NRG2: variants seen among roughly 807,000 people sequenced by gnomAD.
The protein encoded by NRG2 is pro-neuregulin-2, membrane-bound isoform.
NRG2 carries 27 observed loss-of-function variants against 73.9 expected under a neutral mutation model. That is an observed-to-expected ratio of 0.37 (90% CI 0.27 to 0.50). The LOEUF (loss-of-function observed/expected upper bound fraction) is 0.50. Ranked by LOEUF, NRG2 falls within the 20% of genes least tolerant of loss-of-function variation. The pLI is 0.96. For synonymous variants in NRG2, 532 were observed against 541.0 expected (o/e 0.98, Z 0.23); for missense variants, 1,126 against 1,210.1 (o/e 0.93, Z 1.03).
intron 1 of NRG2, among the ~76,000 whole-genome samples, chr5:139,889,157 G>C (rs1484069553): frequency 2.0e-5 from 3 of 152,124 alleles, no homozygotes; most frequent in Admixed American, 6.6e-5. Context: ...AGTTAAAGAA[G>C]TATCTATCAA....
chr5:139,914,948 C>T (rs1012914778), intron 1 of NRG2, among the ~76,000 whole-genome samples: 3 of 152,210 alleles, frequency 2.0e-5, no homozygotes, highest in African/African-American at 7.2e-5. Flanking sequence ...CAACCTTGTA[C>T]CTTCCATTGC....
In NRG2 at chr5:139,904,441, T is replaced by A; in HGVS notation, c.701-16930A>T. ...CGGTGGGACGGCCTCAGCTCTCCGC[T>A]GCCGCGCTGCGCCCCCGCCGCCTGC... On this transcript the variant is annotated intron_variant, in intron 1 of 9. Transcript: ENST00000361474. The surrounding 1 kb of genome is among the most constrained non-coding windows in gnomAD (Gnocchi z 6.0). The A allele has an allele frequency of 8.3e-7, 1 of 1,198,982 alleles. No individual in the cohort carries two copies. Among genetic ancestry groups the A allele is most frequent in the Non-Finnish European group, 1.2e-6 (1 of 847,508 alleles). The allele number at this position is 1,198,982 out of a possible 1,614,324, so 74.3% of individuals were successfully genotyped here.
At chr5:139,959,221 A>G (rs1056062621) in intron 1 of NRG2, among the ~76,000 whole-genome samples, 6 of 152,124 alleles carry the variant, frequency 3.9e-5, no homozygotes, top group African/African-American at 1.4e-4. Flanking sequence ...TTTCTTTGAT[A>G]CGGAGTCTTG....
chr5:139,928,519 C>T (rs1011046075), intron 1 of NRG2, among the ~76,000 whole-genome samples: 8 of 152,274 alleles, frequency 5.3e-5, no homozygotes, highest in Admixed American at 2.0e-4. Flanking sequence ...ATATGAACCC[C>T]GGACCTGGGC....
chr5:140,018,762 C>T (rs1269868179), intron 1 of NRG2, among the ~76,000 whole-genome samples: 1 of 152,172 alleles, frequency 6.6e-6, no homozygotes, highest in African/African-American at 2.4e-5. Flanking sequence ...AGATCCAGAC[C>T]AACACCACCA....
intron 1 of NRG2, among the ~76,000 whole-genome samples, chr5:139,906,431 C>G (rs546750314): frequency 8.5e-5 from 13 of 152,292 alleles, no homozygotes; most frequent in African/African-American, 2.9e-4. Flanking sequence ...CCTTCTAGCC[C>G]CCAAAGCCTA....
intron 2 of NRG2, among the ~76,000 whole-genome samples, chr5:139,884,203 A>G (rs745562755): frequency 6.6e-6 from 1 of 152,186 alleles, no homozygotes; most frequent in Non-Finnish European, 1.5e-5. Context: ...AGATCCCTCT[A>G]CAAAGCAATG....
At chr5:139,953,468 T>C (rs1754382831) in intron 1 of NRG2, among the ~76,000 whole-genome samples, 1 of 152,130 alleles carries the variant, frequency 6.6e-6, no homozygotes, top group South Asian at 2.1e-4. Context: ...CTATCCTCAC[T>C]GCACTCCATC....
intron 1 of NRG2, among the ~76,000 whole-genome samples, chr5:140,013,903 A>G (rs957698345): frequency 6.6e-6 from 1 of 151,962 alleles, no homozygotes; most frequent in Non-Finnish European, 1.5e-5. Flanking sequence ...CTACCTCACT[A>G]GTCACTTTTT....
chr5:139,934,607 T>C (rs1241202877), intron 1 of NRG2, among the ~76,000 whole-genome samples: 1 of 152,140 alleles, frequency 6.6e-6, no homozygotes, highest in African/African-American at 2.4e-5. Flanking sequence ...AAATGGTAGA[T>C]TGAAGCCCAA....
chr5:139,860,258 T>TG (rs1163479722), intron 5 of NRG2, among the ~76,000 whole-genome samples: 1 of 151,908 alleles, frequency 6.6e-6, no homozygotes, highest in Non-Finnish European at 1.5e-5. Flanking sequence ...TAAGTGGGGG[T>TG]GGGGGTCTCA....
In NRG2 at chr5:140,042,359, G is replaced by A. The variant is rs758347749; in HGVS notation, c.700+11C>T. ...CCCCCCTTTCTCCAGCAAAGGGAGG[G>A]GGCGACTCACCGCAGTCAGTGCACA... On this transcript the variant is annotated intron_variant, in intron 1 of 9. Transcript: ENST00000361474. 2.0e-6 allele frequency: 3 copies of A among 1,516,858 alleles called. No individual in the cohort carries two copies. Among genetic ancestry groups the A allele is most frequent in the Non-Finnish European group, 2.7e-6 (3 of 1,121,852 alleles). 94.0% of individuals were successfully genotyped at this position (1,516,858 alleles called of 1,614,324 possible).
At chr5:139,988,567 T>C (rs997670027) in intron 1 of NRG2, among the ~76,000 whole-genome samples, 2 of 151,984 alleles carry the variant, frequency 1.3e-5, no homozygotes, top group African/African-American at 4.8e-5. Flanking sequence ...TGATTCCAAC[T>C]GTATCACATT....
At chr5:139,908,053 G>A (rs991708175) in intron 1 of NRG2, among the ~76,000 whole-genome samples, 1 of 152,250 alleles carries the variant, frequency 6.6e-6, no homozygotes, top group Non-Finnish European at 1.5e-5. Flanking sequence ...GGAGTAACGA[G>A]TCTTCTCATT....
intron 3 of NRG2, among the ~76,000 whole-genome samples, chr5:139,876,631 TCCCCGAC>T (rs1465460059): frequency 6.6e-6 from 1 of 151,968 alleles, no homozygotes; most frequent in African/African-American, 2.4e-5. Flanking sequence ...TGGAGCTGCG[TCCCCGAC>T]TGCCCACAAG....
In NRG2 at chr5:139,939,262, T is replaced by TTTTC. The variant is rs138923893; in HGVS notation, c.701-51755_701-51752dup. 7.7e-5 allele frequency among the ~76,000 whole-genome samples: 11 copies of TTTTC among 143,324 alleles called. 2 individuals are homozygous for TTTTC. The highest frequency in any genetic ancestry group is 2.9e-4 in the African/African-American group (11 of 38,478). 94.0% of individuals were successfully genotyped at this position (143,324 alleles called of 152,430 possible). On this transcript the variant is annotated intron_variant, in intron 1 of 9. Transcript: ENST00000361474. ...TTCCTTCCTTTCTTTCTTTCTTTCT[T>TTTTC]TTTCTTTCTTTCTTTCTTTCCTTTC...
chr5:139,949,936 T>C (rs962904698), intron 1 of NRG2, among the ~76,000 whole-genome samples: 8 of 152,334 alleles, frequency 5.3e-5, no homozygotes, highest in Admixed American at 3.3e-4. Context: ...CTAGTACTGC[T>C]ACATTCTTTG....
chr5:139,943,602 G>A (rs1223287574), intron 1 of NRG2, among the ~76,000 whole-genome samples: 2 of 152,176 alleles, frequency 1.3e-5, no homozygotes, highest in African/African-American at 4.8e-5. Flanking sequence ...CTTTTAGCAT[G>A]TCTATAATGC....
chr5:139,993,713 CA>C (rs1191783603), intron 1 of NRG2, among the ~76,000 whole-genome samples: 2 of 151,988 alleles, frequency 1.3e-5, no homozygotes, highest in African/African-American at 4.8e-5. Flanking sequence ...CATAGGTCCT[CA>C]ATAAAGATTT....
Sources: gnomAD v4.1 joint callset for allele counts (sites outside exome capture counted in the v4.1 genomes callset) on GRCh38, gnomAD v4.1.1 for gene constraint, Gnocchi (gnomAD v3.1) non-coding constraint, MANE v1.5 for transcripts, NCBI Gene and HGNC (gene_info 2026-07-23, HGNC 2026-07-21) for gene names.